DLG2: variants seen among roughly 807,000 people sequenced by gnomAD.
DLG2 encodes discs large MAGUK scaffold protein 2, also known as disks large homolog 2.
In DLG2, 45 loss-of-function variants were observed where a neutral mutation model predicts 132.5. The observed-to-expected ratio is 0.34, with a 90% CI of 0.27 to 0.44. The LOEUF (loss-of-function observed/expected upper bound fraction) is 0.44. Ranked by LOEUF, DLG2 falls within the 20% of genes least tolerant of loss-of-function variation. The probability of loss-of-function intolerance (pLI) is 1.00; values close to 1 mark genes in which losing one functional copy is unlikely to be tolerated. For missense variants in DLG2, 1,045 were observed against 1,196.9 expected (o/e 0.87, Z 1.87); for synonymous variants, 424 against 419.6 (o/e 1.01, Z -0.13).
intron 3 of DLG2, among the ~76,000 whole-genome samples, chr11:85,512,524 C>T (rs1043495173): frequency 6.6e-5 from 10 of 151,942 alleles, no homozygotes; most frequent in African/African-American, 1.9e-4. Flanking sequence ...TTATAGATAA[C>T]GTATCTTGAG....
At chr11:85,423,099 G>C (rs985652735) in intron 3 of DLG2, among the ~76,000 whole-genome samples, 1 of 152,124 alleles carries the variant, frequency 6.6e-6, no homozygotes, top group Admixed American at 6.6e-5. Flanking sequence ...TAGGGCTGAA[G>C]GCTGTTGTTC....
At chr11:83,740,788 A>G (rs1022248821) in intron 18 of DLG2, among the ~76,000 whole-genome samples, 2 of 152,178 alleles carry the variant, frequency 1.3e-5, no homozygotes, top group Non-Finnish European at 2.9e-5. Flanking sequence ...TGAAGAAAAG[A>G]GTTTGGAAAA....
chr11:83,940,981 A>T (rs552756848), intron 14 of DLG2, among the ~76,000 whole-genome samples: 1 of 152,378 alleles, frequency 6.6e-6, no homozygotes, highest in South Asian at 2.1e-4. Flanking sequence ...CTCTCTTGTC[A>T]TGTCTGTGGA....
At chr11:83,513,356 C>T (rs1205619998) in intron 21 of DLG2, among the ~76,000 whole-genome samples, 1 of 152,160 alleles carries the variant, frequency 6.6e-6, no homozygotes, top group East Asian at 1.9e-4. Context: ...ATATCCTTCA[C>T]CTACTTGTTG....
chr11:83,660,807 C>T (rs1196582185), intron 18 of DLG2, among the ~76,000 whole-genome samples: 1 of 152,028 alleles, frequency 6.6e-6, no homozygotes, highest in Admixed American at 6.6e-5. Flanking sequence ...TAAAATTGTA[C>T]TATTTGACCT....
chr11:84,101,692 T>C (rs1462072509), intron 9 of DLG2, among the ~76,000 whole-genome samples: 3 of 152,106 alleles, frequency 2.0e-5, no homozygotes, highest in South Asian at 2.1e-4. Flanking sequence ...AATGGGAGGA[T>C]GAGTATTTTC....
intron 16 of DLG2, among the ~76,000 whole-genome samples, chr11:83,845,881 C>A (rs370519022): frequency 5.2e-4 from 79 of 152,210 alleles, no homozygotes; most frequent in African/African-American, 1.7e-3. Flanking sequence ...TATCTATTTT[C>A]TGGCATTGTG....
At chr11:84,123,228 G>A (rs1595713460) in intron 9 of DLG2, among the ~76,000 whole-genome samples, 1 of 152,104 alleles carries the variant, frequency 6.6e-6, no homozygotes, top group Non-Finnish European at 1.5e-5. Context: ...TTGTTGTGAG[G>A]CTTAAAATTG....
intron 3 of DLG2, among the ~76,000 whole-genome samples, chr11:85,459,389 G>A (rs1240964460): frequency 6.6e-6 from 1 of 152,082 alleles, no homozygotes; most frequent in African/African-American, 2.4e-5. Context: ...GTGGTGTATT[G>A]GAAGCTCAGG....
intron 16 of DLG2, among the ~76,000 whole-genome samples, chr11:83,836,655 T>C (rs1357075958): frequency 2.6e-5 from 4 of 152,212 alleles, no homozygotes; most frequent in African/African-American, 9.6e-5. Flanking sequence ...AGAACTTAAC[T>C]GTGGGAGTAA....
intron 6 of DLG2, among the ~76,000 whole-genome samples, chr11:84,915,806 A>ACATT (rs71036449): frequency 0.045 from 6,799 of 152,242 alleles, 164 homozygotes; most frequent in East Asian, 0.095. Context: ...TGAACGGCTA[A>ACATT]CATTCATTCA....
chr11:85,488,234 C>A (rs1422433417), intron 3 of DLG2, among the ~76,000 whole-genome samples: 3 of 151,894 alleles, frequency 2.0e-5, no homozygotes, highest in African/African-American at 7.3e-5. Context: ...ACTAAAAATA[C>A]AAAAATTAGC....
At chr11:83,971,211 T>C (rs564328090) in intron 12 of DLG2, among the ~76,000 whole-genome samples, 58 of 152,104 alleles carry the variant, frequency 3.8e-4, no homozygotes, top group South Asian at 1.5e-3. Flanking sequence ...ATCATGTGAA[T>C]TTGATTGAAG....
At chr11:84,373,709 A>T (rs898317660) in intron 7 of DLG2, among the ~76,000 whole-genome samples, 3 of 152,218 alleles carry the variant, frequency 2.0e-5, no homozygotes, top group African/African-American at 4.8e-5. Context: ...TTGTTGAAAC[A>T]TCAAAGATCC....
At chr11:84,949,441 C>T (rs529243588) in intron 6 of DLG2, among the ~76,000 whole-genome samples, 5 of 151,422 alleles carry the variant, frequency 3.3e-5, no homozygotes, top group Admixed American at 1.3e-4. Context: ...ATTTCCTCTT[C>T]CTAATAAGCC....
intron 3 of DLG2, among the ~76,000 whole-genome samples, chr11:85,437,996 G>A (rs756296041): frequency 3.3e-5 from 5 of 152,122 alleles, no homozygotes; most frequent in Non-Finnish European, 7.4e-5. Context: ...TTGACTCTTG[G>A]TTCTGCAGGC....
At chr11:84,958,066 A>C (rs1446690933) in intron 6 of DLG2, among the ~76,000 whole-genome samples, 6 of 152,158 alleles carry the variant, frequency 3.9e-5, no homozygotes, top group Non-Finnish European at 7.3e-5. Context: ...TATAAAAATA[A>C]ATGAAAAAAA....
intron 6 of DLG2, among the ~76,000 whole-genome samples, chr11:84,809,019 A>T (rs1210871770): frequency 6.6e-6 from 1 of 152,030 alleles, no homozygotes. Flanking sequence ...AATATCCCTC[A>T]TGAATATGGA....
intron 18 of DLG2, among the ~76,000 whole-genome samples, chr11:83,638,497 T>G (rs1566192750): frequency 1.3e-5 from 2 of 152,214 alleles, no homozygotes; most frequent in Admixed American, 6.5e-5. Context: ...GTAATGACTG[T>G]CAATTCTTTC....
Sources: allele counts gnomAD v4.1 joint callset (sites outside exome capture counted in the v4.1 genomes callset), GRCh38; gene constraint gnomAD v4.1.1; transcripts MANE v1.5; gene names NCBI Gene and HGNC (gene_info 2026-07-23, HGNC 2026-07-21).